Variants in GPC4 observed in about 807,000 individuals in gnomAD.
GPC4 encodes glypican 4.
GPC4 carries 10 observed loss-of-function variants against 35.0 expected under a neutral mutation model. The ratio of observed to expected loss-of-function variants is 0.29; its 90% confidence interval spans 0.18 to 0.48. GPC4 has a LOEUF of 0.48. GPC4 is among the 20% of genes least tolerant of loss of function. The pLI is 0.99. For missense variants in GPC4, 322 were observed against 451.3 expected, an observed-to-expected ratio of 0.71 and a Z score of 2.60; for synonymous variants, 167 against 170.2, an observed-to-expected ratio of 0.98 and a Z score of 0.15.
chrX:133,410,784 G>A (rs1036402774), intron 1 of GPC4, among the ~76,000 whole-genome samples: 1 of 112,573 alleles, frequency 8.9e-6, no homozygotes, highest in African/African-American at 3.2e-5. Flanking sequence ...GTTCTAACCA[G>A]AGACTGAGCT....
chrX:133,360,220 A>T (rs193092445), intron 1 of GPC4, among the ~76,000 whole-genome samples: 1 of 111,946 alleles, frequency 8.9e-6, no homozygotes, highest in East Asian at 2.8e-4. Context: ...GTGCATTGTC[A>T]TTGAATCTTA....
chrX:133,308,686 C>A (rs1280130284), intron 4 of GPC4, among the ~76,000 whole-genome samples: 2 of 110,980 alleles, frequency 1.8e-5, no homozygotes, highest in African/African-American at 6.6e-5. Flanking sequence ...ACCAGTTCAT[C>A]CTTAGTCTCT....
chrX:133,342,663 G>A (rs2068472389), intron 1 of GPC4, among the ~76,000 whole-genome samples: 1 of 111,542 alleles, frequency 9.0e-6, no homozygotes, highest in African/African-American at 3.3e-5. Context: ...GACATTCTTG[G>A]GCTACTGGGG....
chrX:133,408,879 AC>A (rs1210021262), intron 1 of GPC4, among the ~76,000 whole-genome samples: 2 of 111,255 alleles, frequency 1.8e-5, no homozygotes, highest in Non-Finnish European at 3.8e-5. Flanking sequence ...GTGTTTAGAT[AC>A]AGGCCTGGAA....
At chrX:133,391,558 T>A (rs1260017346) in intron 1 of GPC4, among the ~76,000 whole-genome samples, 5 of 112,309 alleles carry the variant, frequency 4.5e-5, no homozygotes, top group Non-Finnish European at 7.5e-5. Context: ...TTCTTAATTA[T>A]TAACAGGCTT....
intron 1 of GPC4, among the ~76,000 whole-genome samples, chrX:133,350,649 T>G (rs757181072): frequency 2.7e-5 from 3 of 112,301 alleles, no homozygotes; most frequent in Non-Finnish European, 3.8e-5. Context: ...AAGTAAGATT[T>G]ACATTTTTAA....
rs1317716238 is a variant in GPC4, at chrX:133,304,719, A to G, written c.1292+6T>C. The G allele has an allele frequency of 2.8e-5, 34 of 1,209,768 alleles. No homozygotes were observed. The highest frequency in any genetic ancestry group is 3.6e-5 in the Non-Finnish European group (32 of 895,015). On this transcript the variant is annotated splice_donor_region_variant and intron_variant, in intron 7 of 8. Transcript: ENST00000370828. ...GAAACTTCAAATTCATTCAACAGAC[A>G]CTAACCTGCTTTTGCCTTTCCCATT... is the stretch of plus-strand genomic sequence containing the variant.
rs57898529 is a variant in GPC4 at position 133,324,550 on chromosome X, CAA to C, written c.320-16_320-15del. 74,436 of 693,797 alleles carry C rather than the reference CAA, an allele frequency of 0.11. 14 individuals carry two copies. Among genetic ancestry groups the C allele is most frequent in the Non-Finnish European group, 0.11 (60,755 of 554,794 alleles). The allele number at this position is 693,797 out of a possible 1,213,427, so 57.2% of individuals were successfully genotyped here. A position where few individuals can be genotyped will look rare whatever the true frequency, so the allele number is the denominator to read the frequency against. On this transcript the variant is annotated splice_polypyrimidine_tract_variant and intron_variant, in intron 2 of 8. Transcript: ENST00000370828. ...CTTTGAAGAATTCTGAAACCAACAC[CAA>C]AAAAAAAAAAAAAAAAAGGAAAAAC...
chrX:133,414,769 C>G (rs772725335), intron 1 of GPC4, 37 bp downstream of exon 1: 1 of 1,197,686 alleles, frequency 8.3e-7, no homozygotes, highest in Non-Finnish European at 1.1e-6. Flanking sequence ...CCCGAAGTGT[C>G]GGTCTCTGCG....
chrX:133,320,511 C>T (rs1318752588), intron 3 of GPC4, among the ~76,000 whole-genome samples: 1 of 107,459 alleles, frequency 9.3e-6, no homozygotes, highest in Non-Finnish European at 1.9e-5. Flanking sequence ...GTAATCCCAG[C>T]TACTTGGGAG....
intron 1 of GPC4, among the ~76,000 whole-genome samples, chrX:133,399,730 G>A (rs1338672231): frequency 8.9e-6 from 1 of 112,306 alleles, no homozygotes; most frequent in African/African-American, 3.2e-5. Flanking sequence ...GCCAGGCTCG[G>A]TGGCTCACGC....
chrX:133,395,471 A>G (rs948990980), intron 1 of GPC4, among the ~76,000 whole-genome samples: 2 of 110,506 alleles, frequency 1.8e-5, no homozygotes, highest in Admixed American at 9.7e-5. Flanking sequence ...AAAAAAATAC[A>G]AAATTAGCCA....
chrX:133,384,352 A>C (rs1001926248), intron 1 of GPC4, among the ~76,000 whole-genome samples: 1 of 111,256 alleles, frequency 9.0e-6, no homozygotes, highest in African/African-American at 3.3e-5. Context: ...CAGTGAATTA[A>C]AGTCATTTCT....
chrX:133,370,531 T>C (rs1006487218), intron 1 of GPC4, among the ~76,000 whole-genome samples: 10 of 111,506 alleles, frequency 9.0e-5, no homozygotes, highest in African/African-American at 2.9e-4. Context: ...GTTTTTGAGA[T>C]TGGAGCTTAT....
chrX:133,309,242 C>T (rs2124107454), intron 4 of GPC4, among the ~76,000 whole-genome samples: 1 of 112,193 alleles, frequency 8.9e-6, no homozygotes, highest in Non-Finnish European at 1.9e-5. Flanking sequence ...AAAGTTATCA[C>T]TTAAAATAAC....
At chrX:133,338,468 A>G (rs1034269817) in intron 2 of GPC4, among the ~76,000 whole-genome samples, 5 of 112,250 alleles carry the variant, frequency 4.5e-5, no homozygotes, top group African/African-American at 1.6e-4. Flanking sequence ...AAAGTCTGTT[A>G]TCTGTACCAT....
chrX:133,407,740 T>C (rs1255850174), intron 1 of GPC4, among the ~76,000 whole-genome samples: 1 of 112,508 alleles, frequency 8.9e-6, no homozygotes, highest in Admixed American at 9.4e-5. Context: ...CCTAGTGGAC[T>C]TCCCTCTTCT....
intron 2 of GPC4, among the ~76,000 whole-genome samples, chrX:133,326,662 T>C (rs768649373): frequency 1.8e-5 from 2 of 112,525 alleles, no homozygotes; most frequent in South Asian, 3.7e-4. Flanking sequence ...GTGTTGAGTA[T>C]GAAGCAGTCA....
chrX:133,374,244 T>C (rs2068624534), intron 1 of GPC4, among the ~76,000 whole-genome samples: 1 of 111,373 alleles, frequency 9.0e-6, no homozygotes, highest in Non-Finnish European at 1.9e-5. Flanking sequence ...CTGCTCTTTA[T>C]ACAAAAGAGT....
Sources: allele counts gnomAD v4.1 joint callset (sites outside exome capture counted in the v4.1 genomes callset), GRCh38; gene constraint gnomAD v4.1.1; transcripts MANE v1.5; gene names NCBI Gene and HGNC (gene_info 2026-07-23, HGNC 2026-07-21).